Variants in MEF2C observed in about 807,000 individuals in gnomAD.
MEF2C encodes the protein myocyte enhancer factor 2C, also known as myocyte-specific enhancer factor 2C.
Under a neutral mutation model 50.5 loss-of-function variants are expected in MEF2C, and 6 were observed. The ratio of observed to expected loss-of-function variants is 0.12; its 90% CI spans 0.07 to 0.23. The LOEUF is 0.23. Ranked by LOEUF, MEF2C falls within the 10% of genes least tolerant of loss-of-function variation. The pLI is 1.00. For synonymous variants in MEF2C, 183 were observed against 228.0 expected, an observed-to-expected ratio of 0.80 and a Z score of 1.78; for missense variants, 276 against 605.0, an observed-to-expected ratio of 0.46 and a Z score of 5.70.
intron 4 of MEF2C, among the ~76,000 whole-genome samples, chr5:88,758,197 TTC>T (rs1411316388): frequency 6.6e-6 from 1 of 152,314 alleles, no homozygotes; most frequent in East Asian, 1.9e-4. Context: ...ACAACATTAT[TTC>T]TCTCTCTTCA....
At chr5:88,869,302 TATATATATATATAC>T (rs1561421459) in intron 1 of MEF2C, among the ~76,000 whole-genome samples, 12 of 106,148 alleles carry the variant, frequency 1.1e-4, no homozygotes, top group South Asian at 2.9e-4. Flanking sequence ...TATACACATA[TATATATATATATAC>T]ACATATAGCT....
At chr5:88,892,600 A>G (rs187555703) in intron 1 of MEF2C, among the ~76,000 whole-genome samples, 6 of 152,304 alleles carry the variant, frequency 3.9e-5, no homozygotes, top group Non-Finnish European at 7.4e-5. Context: ...AATGTTTTAA[A>G]ATACCATGAC....
At chr5:88,749,481 T>C in intron 5 of MEF2C, 1 of 985,012 alleles carries the variant, frequency 1.0e-6, no homozygotes, top group Non-Finnish European at 1.2e-6. Context: ...ACATTTGATG[T>C]TTAGTTCTTT....
chr5:88,741,420 A>G lies in MEF2C; in HGVS notation c.637+7650T>C, dbSNP rs973607504. ...AGGGCAATAGTGCCATCCCTAAAATAATTTGTATATCACATACTTTCCTTG... is the reference window on the plus strand; with the variant it reads ...AGGGCAATAGTGCCATCCCTAAAATGATTTGTATATCACATACTTTCCTTG... On this transcript the variant is annotated intron_variant, in intron 6 of 10. Transcript: ENST00000504921. The G allele has an allele frequency of 8.1e-6, 8 of 985,270 alleles. No individual in the cohort carries two copies. In the South Asian group the frequency reaches 3.8e-4, roughly 46 times the overall value. The allele number at this position is 985,270 out of a possible 1,614,324, so 61.0% of individuals were successfully genotyped here. A position where few individuals can be genotyped will look rare whatever the true frequency, so the allele number is the denominator to read the frequency against.
At chr5:88,900,188 A>T (rs1483155788) in intron 1 of MEF2C, among the ~76,000 whole-genome samples, 1 of 151,910 alleles carries the variant, frequency 6.6e-6, no homozygotes, top group Non-Finnish European at 1.5e-5. Context: ...CCTTGACCAG[A>T]TCAATATATT....
At chr5:88,867,009 C>T (rs985666076) in intron 1 of MEF2C, among the ~76,000 whole-genome samples, 5 of 152,096 alleles carry the variant, frequency 3.3e-5, no homozygotes, top group East Asian at 3.8e-4. Flanking sequence ...TGACATAAAA[C>T]GAGATTTTCC....
chr5:88,742,415 A>G, intron 6 of MEF2C: 2 of 984,052 alleles, frequency 2.0e-6, no homozygotes, highest in Non-Finnish European at 2.4e-6. Flanking sequence ...AATATTAAAA[A>G]CAACCAAGGT....
intron 1 of MEF2C, among the ~76,000 whole-genome samples, chr5:88,869,124 T>C (rs1054569470): frequency 2.0e-5 from 3 of 151,472 alleles, no homozygotes; most frequent in Admixed American, 2.0e-4. Context: ...AATGGCAAAG[T>C]TGTTTCACAA....
At chr5:88,733,365 A>G in intron 6 of MEF2C, 1 of 985,272 alleles carries the variant, frequency 1.0e-6, no homozygotes, top group Non-Finnish European at 1.2e-6. Flanking sequence ...GGCTGTGGAG[A>G]TCTCAAATTC....
intron 1 of MEF2C, among the ~76,000 whole-genome samples, chr5:88,867,972 G>A (rs1454965673): frequency 6.6e-6 from 1 of 152,096 alleles, no homozygotes; most frequent in African/African-American, 2.4e-5. Context: ...TATATATTTT[G>A]GGGACAGTGT....
At chr5:88,892,888 G>A (rs537822407) in intron 1 of MEF2C, among the ~76,000 whole-genome samples, 3 of 152,150 alleles carry the variant, frequency 2.0e-5, no homozygotes, top group Admixed American at 6.5e-5. Context: ...TCTGATGGCC[G>A]TCTATGGCAA....
chr5:88,833,566 C>T (rs1002552357), intron 1 of MEF2C, among the ~76,000 whole-genome samples: 5 of 152,106 alleles, frequency 3.3e-5, no homozygotes, highest in African/African-American at 1.2e-4. Context: ...ACTCTACGTA[C>T]TCGACTCCAA....
chr5:88,850,100 A>T (rs1446171681), intron 1 of MEF2C, among the ~76,000 whole-genome samples: 1 of 124,358 alleles, frequency 8.0e-6, no homozygotes, highest in Non-Finnish European at 1.9e-5. Flanking sequence ...CCAACCCCAT[A>T]ACAGGCCCCG....
chr5:88,784,958 A>G, intron 3 of MEF2C, among the ~76,000 whole-genome samples: 1 of 152,180 alleles, frequency 6.6e-6, no homozygotes, highest in South Asian at 2.1e-4. Flanking sequence ...ATCCATTACA[A>G]AGAGCAGTAG....
Position 88,722,542 on chromosome 5 carries a change from T to G in MEF2C, c.*62A>C. On this transcript the variant is annotated 3_prime_UTR_variant, in exon 11 of 11. Coordinates refer to ENST00000504921, the MANE Select transcript of MEF2C (RefSeq NM_002397.5). ...AATGCATATCGACCCCCCTTCCCCA[T>G]TAAGGTATAGCACACACACACACTG... 5 of 1,417,740 alleles carry G rather than the reference T, an allele frequency of 3.5e-6. No homozygotes were observed. Among genetic ancestry groups the G allele is most frequent in the Non-Finnish European group, 4.8e-6 (5 of 1,038,604 alleles). The allele number at this position is 1,417,740 out of a possible 1,614,324, so 87.8% of individuals were successfully genotyped here.
chr5:88,734,569 T>TTTTTTTTTTTTTTG, intron 6 of MEF2C: 1 of 399,978 alleles, frequency 2.5e-6, no homozygotes, highest in Non-Finnish European at 3.0e-6. Context: ...AAGTTTGTTT[T>TTTTTTTTTTTTTTG]TTTTTTTTTT....
chr5:88,851,226 C>A, intron 1 of MEF2C, among the ~76,000 whole-genome samples: 2 of 90,036 alleles, frequency 2.2e-5, no homozygotes, highest in African/African-American at 5.2e-5. Flanking sequence ...AGTGCCACTC[C>A]ATCTCACAAA....
chr5:88,876,514 A>T (rs1831106492), intron 1 of MEF2C, among the ~76,000 whole-genome samples: 1 of 152,042 alleles, frequency 6.6e-6, no homozygotes, highest in Admixed American at 6.6e-5. Context: ...GTCGACAATT[A>T]ATTAGAAGAC....
At chr5:88,786,042 C>T (rs550582119) in intron 3 of MEF2C, among the ~76,000 whole-genome samples, 4 of 152,064 alleles carry the variant, frequency 2.6e-5, no homozygotes, top group Non-Finnish European at 5.9e-5. Context: ...GAGAGCCAGG[C>T]TATTTTTAGT....
Sources: gnomAD v4.1 joint callset for allele counts (sites outside exome capture counted in the v4.1 genomes callset) on GRCh38, gnomAD v4.1.1 for gene constraint, MANE v1.5 for transcripts, NCBI Gene and HGNC (gene_info 2026-07-23, HGNC 2026-07-21) for gene names.